Variants in PTPRM observed in about 807,000 individuals in gnomAD.
PTPRM encodes protein tyrosine phosphatase receptor type M.
In PTPRM, 47 loss-of-function variants were observed where a neutral mutation model predicts 186.7. The ratio of observed to expected loss-of-function variants is 0.25; its 90% CI spans 0.20 to 0.32. The LOEUF (loss-of-function observed/expected upper bound fraction) is 0.32. Among genes scored for constraint, PTPRM ranks in the 10% least tolerant of loss-of-function variants. The pLI is 1.00. For synonymous variants in PTPRM, 668 were observed against 674.9 expected (o/e 0.99, Z 0.16); for missense variants, 1,494 against 1,865.0 (o/e 0.80, Z 3.66).
chr18:8,064,986 T>G (rs1471889339), intron 7 of PTPRM, among the ~76,000 whole-genome samples: 2 of 152,178 alleles, frequency 1.3e-5, no homozygotes, highest in Non-Finnish European at 2.9e-5. Flanking sequence ...ATTCTGGTTG[T>G]TATTCCCTTT....
chr18:7,717,025 T>C (rs2040349778), intron 1 of PTPRM, among the ~76,000 whole-genome samples: 2 of 152,166 alleles, frequency 1.3e-5, no homozygotes, highest in Non-Finnish European at 2.9e-5. Flanking sequence ...ACACATATGT[T>C]TATTGCAGCA....
intron 7 of PTPRM, among the ~76,000 whole-genome samples, chr18:7,986,525 G>A (rs1229610111): frequency 1.3e-5 from 2 of 152,194 alleles, no homozygotes; most frequent in African/African-American, 4.8e-5. Flanking sequence ...CTGACATGGA[G>A]AACAGTACAT....
At chr18:8,363,445 C>T (rs561961571) in intron 23 of PTPRM, among the ~76,000 whole-genome samples, 4 of 152,172 alleles carry the variant, frequency 2.6e-5, no homozygotes, top group Non-Finnish European at 5.9e-5. Context: ...TTTCTTTTCT[C>T]AACAGATATA....
intron 19 of PTPRM, among the ~76,000 whole-genome samples, chr18:8,260,247 T>G (rs1056197154): frequency 6.6e-6 from 1 of 152,072 alleles, no homozygotes; most frequent in African/African-American, 2.4e-5. Context: ...TACTACAGCC[T>G]TGACCTCCTC....
chr18:7,933,364 A>G (rs1277982698), intron 5 of PTPRM, among the ~76,000 whole-genome samples: 1 of 152,238 alleles, frequency 6.6e-6, no homozygotes, highest in Non-Finnish European at 1.5e-5. Flanking sequence ...GTGAAGAAGG[A>G]AAAAGAAATT....
chr18:8,270,840 G>A (rs1304197593), intron 19 of PTPRM, among the ~76,000 whole-genome samples: 2 of 152,128 alleles, frequency 1.3e-5, no homozygotes, highest in Admixed American at 1.3e-4. Flanking sequence ...CCAGGGGATG[G>A]GGGTTAGAGG....
intron 24 of PTPRM, among the ~76,000 whole-genome samples, chr18:8,373,429 A>G (rs971032709): frequency 6.6e-5 from 10 of 152,156 alleles, no homozygotes; most frequent in African/African-American, 2.4e-4. Flanking sequence ...AGCTAAACAG[A>G]TTTTAAATAA....
chr18:7,859,863 C>T (rs2047276145), intron 2 of PTPRM, among the ~76,000 whole-genome samples: 1 of 152,130 alleles, frequency 6.6e-6, no homozygotes, highest in East Asian at 1.9e-4. Context: ...ATATACCTCC[C>T]TCCCCTGCCT....
At chr18:7,621,472 A>T (rs1248037251) in intron 1 of PTPRM, among the ~76,000 whole-genome samples, 1 of 152,052 alleles carries the variant, frequency 6.6e-6, no homozygotes, top group African/African-American at 2.4e-5. Flanking sequence ...ACATGCCGTT[A>T]TCACCCAGAG....
At position 8,253,372 on chromosome 18, in the gene PTPRM, G is replaced by C. The variant is rs748383956; in HGVS notation, c.2712G>C (p.Gln904His). The C allele has an allele frequency of 1.3e-6, 2 of 1,584,170 alleles. No homozygotes were observed. Among genetic ancestry groups the C allele is most frequent in the Non-Finnish European group, 1.7e-6 (2 of 1,165,380 alleles). The change falls in exon 19 of 33, where the codon CAG becomes CAC. Residue 904 changes from glutamine to histidine, a missense_variant. By Grantham distance (24) the Gln-to-His change is conservative. Coordinates refer to ENST00000580170, the MANE Select transcript of PTPRM (RefSeq NM_001105244.2). ...RVADLLQHITQMKCAEGYGFK... is the reference protein window; with the variant it reads ...RVADLLQHITHMKCAEGYGFK... ...CAGACCTCCTTCAGCACATCACACAGATGAAGTGTGCGGAGGGCTACGGCT... is the reference window on the plus strand; with the variant it reads ...CAGACCTCCTTCAGCACATCACACACATGAAGTGTGCGGAGGGCTACGGCT...
intron 14 of PTPRM, among the ~76,000 whole-genome samples, chr18:8,214,615 A>G (rs1180136511): frequency 2.6e-5 from 4 of 152,134 alleles, no homozygotes; most frequent in Admixed American, 6.5e-5. Flanking sequence ...TAAGTTTTCA[A>G]TAGTTGGTTT....
At chr18:8,290,324 A>G (rs142992977) in intron 19 of PTPRM, among the ~76,000 whole-genome samples, 1 of 152,298 alleles carries the variant, frequency 6.6e-6, no homozygotes, top group East Asian at 1.9e-4. Context: ...CACTGCCTGA[A>G]AACATACTGC....
At chr18:8,216,896 C>T (rs1260474769) in intron 14 of PTPRM, among the ~76,000 whole-genome samples, 2 of 152,232 alleles carry the variant, frequency 1.3e-5, no homozygotes, top group African/African-American at 4.8e-5. Context: ...CAAGGTTTCC[C>T]TCTCTGGAGA....
intron 29 of PTPRM, among the ~76,000 whole-genome samples, chr18:8,383,219 A>AC (rs1424164452): frequency 1.5e-5 from 2 of 137,850 alleles, no homozygotes; most frequent in African/African-American, 2.8e-5. Context: ...AATCGCTTGA[A>AC]CCCGGGGGGC....
At chr18:7,797,728 A>G (rs1784622) in intron 2 of PTPRM, among the ~76,000 whole-genome samples, 6,708 of 151,974 alleles carry the variant, frequency 0.044, 486 homozygotes, top group African/African-American at 0.15. Flanking sequence ...TCCCTGGAAC[A>G]TCGAGTTCCT....
intron 13 of PTPRM, among the ~76,000 whole-genome samples, chr18:8,127,504 T>A (rs1392399667): frequency 4.0e-5 from 6 of 151,646 alleles, no homozygotes; most frequent in Admixed American, 3.9e-4. Context: ...CACTGCTTTT[T>A]AAAAAAAATA....
rs959689744 is a variant in PTPRM, at chr18:8,406,838, T to G, written c.*676T>G. 1 of 152,254 alleles carries G rather than the reference T, an allele frequency of 6.6e-6. No homozygotes were observed. The highest frequency in any genetic ancestry group is 1.5e-5 in the Non-Finnish European group (1 of 68,054). The allele number at this position is 152,254 out of a possible 1,614,324, so 9.4% of individuals were successfully genotyped here. A position where few individuals can be genotyped will look rare whatever the true frequency, so the allele number is the denominator to read the frequency against. The stretch of plus-strand genomic sequence containing the variant: ...TGATTTCATCAAATTATTTATTCAT[T>G]AAAAGAAATTTTTGTGAAGCACAGT... On this transcript the variant is annotated 3_prime_UTR_variant, in exon 33 of 33. Transcript: ENST00000580170.
chr18:8,228,677 TAAAA>T (rs55669801), intron 14 of PTPRM, among the ~76,000 whole-genome samples: 1 of 130,606 alleles, frequency 7.7e-6, no homozygotes. Context: ...CAAACTCTAC[TAAAA>T]AAAAAAAAAA....
rs144919975 is a variant in PTPRM, at chr18:8,370,043, G to A, written c.3055-847G>A. ...GTTACAGAATAGAAATTCATCCATG[G>A]AGGGGCAGGGACAGGAATAGATGAA... On this transcript the variant is annotated intron_variant, in intron 23 of 32. Transcript: ENST00000580170. Among the ~76,000 whole-genome samples, 35 of 152,246 alleles carry A rather than the reference G, an allele frequency of 2.3e-4. 1 individual carries two copies. The highest frequency in any genetic ancestry group is 8.4e-4 in the African/African-American group (35 of 41,538).
Sources: allele counts gnomAD v4.1 joint callset (sites outside exome capture counted in the v4.1 genomes callset), GRCh38; gene constraint gnomAD v4.1.1; transcripts MANE v1.5; gene names NCBI Gene and HGNC (gene_info 2026-07-23, HGNC 2026-07-21).